The following TYW1B variants were observed in gnomAD, a reference collection of about 807,000 sequenced individuals.
TYW1B encodes S-adenosyl-L-methionine-dependent tRNA 4-demethylwyosine synthase TYW1B.
TYW1B carries 73 observed loss-of-function variants against 86.9 expected under a neutral mutation model. The observed-to-expected ratio is 0.84, with a 90% CI of 0.70 to 1.02. The LOEUF (loss-of-function observed/expected upper bound fraction) is 1.02. Ranked by LOEUF, TYW1B falls within the 50% of genes least tolerant of loss-of-function variation. The probability of loss-of-function intolerance (pLI) is 0.00; values close to 1 mark genes in which losing one functional copy is unlikely to be tolerated. For missense variants in TYW1B, 637 were observed against 827.4 expected, an observed-to-expected ratio of 0.77 and a Z score of 2.82; for synonymous variants, 248 against 292.8, an observed-to-expected ratio of 0.85 and a Z score of 1.56.
chr7:72,715,683 C>G (rs530540707), intron 9 of TYW1B, among the ~76,000 whole-genome samples: 21 of 151,646 alleles, frequency 1.4e-4, no homozygotes, highest in African/African-American at 5.1e-4. Flanking sequence ...TACAACAAAC[C>G]CCCATGACAC....
chr7:72,655,763 C>T (rs1380424861), intron 11 of TYW1B, among the ~76,000 whole-genome samples: 5 of 152,166 alleles, frequency 3.3e-5, no homozygotes, highest in Non-Finnish European at 5.9e-5. Flanking sequence ...CTTCAGGTGC[C>T]CTGAAAACGT....
At chr7:72,600,607 T>A (rs1434882917) in intron 13 of TYW1B, among the ~76,000 whole-genome samples, 3 of 152,184 alleles carry the variant, frequency 2.0e-5, no homozygotes, top group African/African-American at 7.2e-5. Flanking sequence ...ACATATCTGC[T>A]AAACAATTTG....
chr7:72,651,694 T>G (rs1554442829), intron 11 of TYW1B, among the ~76,000 whole-genome samples: 2 of 152,130 alleles, frequency 1.3e-5, no homozygotes, highest in East Asian at 3.8e-4. Flanking sequence ...CCTTAAGTCC[T>G]TAAGTCCTTA....
At chr7:72,782,525 T>C (rs1201120151) in intron 6 of TYW1B, among the ~76,000 whole-genome samples, 1 of 152,144 alleles carries the variant, frequency 6.6e-6, no homozygotes, top group African/African-American at 2.4e-5. Flanking sequence ...AGAGTCTTTC[T>C]GATTGTTTGA....
At chr7:72,601,931 T>G (rs1344232856) in intron 13 of TYW1B, among the ~76,000 whole-genome samples, 1 of 152,126 alleles carries the variant, frequency 6.6e-6, no homozygotes, top group Admixed American at 6.6e-5. Flanking sequence ...TGCAGGGGCA[T>G]TTTTAGGGCA....
chr7:72,638,829 C>CA (rs2129568977), intron 11 of TYW1B, among the ~76,000 whole-genome samples: 1 of 152,284 alleles, frequency 6.6e-6, no homozygotes, highest in East Asian at 1.9e-4. Context: ...AGTACAGCAA[C>CA]AATTATTAAG....
chr7:72,708,907 A>G (rs1234793299), intron 10 of TYW1B, among the ~76,000 whole-genome samples: 3 of 152,208 alleles, frequency 2.0e-5, no homozygotes, highest in East Asian at 1.9e-4. Context: ...CATAATATCT[A>G]GCATGGCAAT....
At chr7:72,577,186 C>A (rs1554428829) in intron 13 of TYW1B, among the ~76,000 whole-genome samples, 1 of 144,710 alleles carries the variant, frequency 6.9e-6, no homozygotes. Flanking sequence ...ATTTCCTGTT[C>A]TAGCCACAAA....
intron 11 of TYW1B, among the ~76,000 whole-genome samples, chr7:72,668,110 C>T (rs1277650679): frequency 6.6e-6 from 1 of 152,156 alleles, no homozygotes; most frequent in Admixed American, 6.6e-5. Flanking sequence ...ATTAATGATC[C>T]ACTGCTACAT....
chr7:72,585,451 A>C (rs1478904089), intron 13 of TYW1B, among the ~76,000 whole-genome samples: 2 of 152,240 alleles, frequency 1.3e-5, no homozygotes, highest in African/African-American at 2.4e-5. Context: ...TTATTTAAAA[A>C]GCAAATGGTC....
chr7:72,794,123 C>A (rs1214450026), intron 6 of TYW1B, among the ~76,000 whole-genome samples: 1 of 152,270 alleles, frequency 6.6e-6, no homozygotes, highest in South Asian at 2.1e-4. Flanking sequence ...AGAACTCAGG[C>A]GTGTTCCCCT....
intron 10 of TYW1B, among the ~76,000 whole-genome samples, chr7:72,699,942 G>A (rs1282706083): frequency 1.3e-5 from 2 of 152,000 alleles, no homozygotes; most frequent in African/African-American, 4.8e-5. Context: ...GAGCCACTGT[G>A]CCTGGCCAAA....
At chr7:72,674,718 T>C (rs1585894044) in intron 11 of TYW1B, among the ~76,000 whole-genome samples, 1 of 151,626 alleles carries the variant, frequency 6.6e-6, no homozygotes, top group African/African-American at 2.4e-5. Context: ...CTATCAAATA[T>C]AATCTTTTAA....
chr7:72,790,219 G>C (rs1788197538), intron 6 of TYW1B, among the ~76,000 whole-genome samples: 1 of 151,832 alleles, frequency 6.6e-6, no homozygotes, highest in African/African-American at 2.4e-5. Flanking sequence ...ATGCTGGGAT[G>C]ACAGGTGTGA....
chr7:72,717,178 G>T (rs1428367428), intron 9 of TYW1B, among the ~76,000 whole-genome samples: 9 of 151,792 alleles, frequency 5.9e-5, no homozygotes, highest in African/African-American at 2.2e-4. Flanking sequence ...GTGCATGCTC[G>T]TAGGCCCAGC....
At chr7:72,775,373 T>C (rs1178748360) in intron 7 of TYW1B, among the ~76,000 whole-genome samples, 1 of 152,282 alleles carries the variant, frequency 6.6e-6, no homozygotes, top group Non-Finnish European at 1.5e-5. Flanking sequence ...ACATTATAAT[T>C]AAATTGCTCA....
At chr7:72,674,196 T>C (rs1554446905) in intron 11 of TYW1B, among the ~76,000 whole-genome samples, 1 of 152,130 alleles carries the variant, frequency 6.6e-6, no homozygotes, top group African/African-American at 2.4e-5. Context: ...AAAGTCACTT[T>C]AAGCATTAAC....
At chr7:72,649,871 C>T (rs1813018220) in intron 11 of TYW1B, among the ~76,000 whole-genome samples, 1 of 152,108 alleles carries the variant, frequency 6.6e-6, no homozygotes, top group Admixed American at 6.5e-5. Context: ...AATGCAAAAA[C>T]TCTACAGTCC....
intron 11 of TYW1B, among the ~76,000 whole-genome samples, chr7:72,632,460 T>C (rs10279241): frequency 1.1e-4 from 10 of 90,616 alleles, no homozygotes; most frequent in African/African-American, 2.4e-4. Flanking sequence ...AATATATATA[T>C]ACATATATAT....
Sources: allele counts gnomAD v4.1 joint callset (sites outside exome capture counted in the v4.1 genomes callset), GRCh38; gene constraint gnomAD v4.1.1; transcripts MANE v1.5; gene names NCBI Gene and HGNC (gene_info 2026-07-23, HGNC 2026-07-21).